KCTD8: variants seen among roughly 807,000 people sequenced by gnomAD.
KCTD8 encodes BTB/POZ domain-containing protein KCTD8.
A neutral mutation model predicts 31.5 loss-of-function variants in KCTD8; 27 were observed. That is an observed-to-expected ratio of 0.86 (90% CI 0.63 to 1.18). The LOEUF (loss-of-function observed/expected upper bound fraction) is 1.18, where lower values mean the gene tolerates loss of function less well. Among genes scored for constraint, KCTD8 ranks in the 50% most tolerant of loss-of-function variants. The pLI, the probability that KCTD8 is intolerant of heterozygous loss-of-function variation, is 0.00. For synonymous variants in KCTD8, 290 were observed against 280.0 expected (o/e 1.04, Z -0.36); for missense variants, 658 against 647.7 (o/e 1.02, Z -0.17).
intron 1 of KCTD8, among the ~76,000 whole-genome samples, chr4:44,421,583 G>A (rs1228239848): frequency 6.6e-6 from 1 of 152,062 alleles, no homozygotes; most frequent in East Asian, 1.9e-4. Context: ...TACTGAGTGT[G>A]ACATATAGTG....
intron 1 of KCTD8, among the ~76,000 whole-genome samples, chr4:44,235,576 T>TATATATATATATA (rs1560402134): frequency 5.1e-4 from 29 of 56,852 alleles, no homozygotes; most frequent in Non-Finnish European, 6.7e-4. Context: ...TATATATATA[T>TATATATATATATA]TTAGAGAGAG....
chr4:44,404,805 A>T (rs1169666210), intron 1 of KCTD8, among the ~76,000 whole-genome samples: 3 of 152,192 alleles, frequency 2.0e-5, no homozygotes, highest in African/African-American at 7.2e-5. Flanking sequence ...AAAATCGTAT[A>T]AAAGTAATGA....
At chr4:44,405,817 CAAAAAAAAAAAAA>C (rs903559298) in intron 1 of KCTD8, among the ~76,000 whole-genome samples, 1 of 32,230 alleles carries the variant, frequency 3.1e-5, no homozygotes, top group Non-Finnish European at 5.4e-5. Flanking sequence ...TCCTGTTTCT[CAAAAAAAAAAAAA>C]AAAAAAAAAA....
At chr4:44,311,357 T>C (rs542339704) in intron 1 of KCTD8, among the ~76,000 whole-genome samples, 1 of 152,236 alleles carries the variant, frequency 6.6e-6, no homozygotes, top group African/African-American at 2.4e-5. Flanking sequence ...GAGGAGATTC[T>C]TTCACCACAA....
At chr4:44,323,721 T>C (rs1189825342) in intron 1 of KCTD8, among the ~76,000 whole-genome samples, 2 of 151,816 alleles carry the variant, frequency 1.3e-5, no homozygotes, top group Non-Finnish European at 1.5e-5. Flanking sequence ...TTTCATGTAT[T>C]TGTTTAACAT....
chr4:44,435,099 T>C (rs1721610772), intron 1 of KCTD8, among the ~76,000 whole-genome samples: 1 of 152,008 alleles, frequency 6.6e-6, no homozygotes, highest in African/African-American at 2.4e-5. Flanking sequence ...GAATAGCTTC[T>C]AATCTACTTT....
intron 1 of KCTD8, among the ~76,000 whole-genome samples, chr4:44,218,124 CTTTTTTTTTTTT>C (rs570521203): frequency 2.0e-4 from 18 of 91,512 alleles, no homozygotes; most frequent in African/African-American, 8.7e-4. Flanking sequence ...TTAAAATGTC[CTTTTTTTTTTTT>C]TTTTTTTTTT....
chr4:44,413,651 G>A lies in KCTD8; in HGVS notation c.961+33912C>T, dbSNP rs556961515. ...TAAACATGAAAAATGCCATTATGTA[G>A]TCAACAGTATTACTATATCCAAAGA... On this transcript the variant is annotated intron_variant, in intron 1 of 1. Transcript: ENST00000360029. Among the ~76,000 whole-genome samples, 14 of 152,234 alleles carry A rather than the reference G, an allele frequency of 9.2e-5. 2 individuals are homozygous for A. In the South Asian group the frequency reaches 2.9e-3, roughly 32 times the overall value.
intron 1 of KCTD8, among the ~76,000 whole-genome samples, chr4:44,366,212 T>G (rs1719630238): frequency 6.6e-6 from 1 of 152,156 alleles, no homozygotes; most frequent in Admixed American, 6.6e-5. Flanking sequence ...CACGGAGGCT[T>G]ATATGTGGGG....
At chr4:44,369,584 T>A (rs1719730453) in intron 1 of KCTD8, among the ~76,000 whole-genome samples, 1 of 152,172 alleles carries the variant, frequency 6.6e-6, no homozygotes, top group Non-Finnish European at 1.5e-5. Flanking sequence ...GGTGGGTGGA[T>A]CACTTGAGCC....
chr4:44,404,223 T>C (rs557944660), intron 1 of KCTD8, among the ~76,000 whole-genome samples: 37 of 152,354 alleles, frequency 2.4e-4, no homozygotes, highest in African/African-American at 5.0e-4. Flanking sequence ...TTGTCATATA[T>C]GGCAGCCAGC....
intron 1 of KCTD8, among the ~76,000 whole-genome samples, chr4:44,216,180 C>G (rs986674711): frequency 3.3e-5 from 5 of 152,160 alleles, no homozygotes; most frequent in African/African-American, 1.2e-4. Context: ...GTATAAACAT[C>G]TTAGAATTTC....
At chr4:44,234,848 G>A (rs1260287768) in intron 1 of KCTD8, among the ~76,000 whole-genome samples, 3 of 152,086 alleles carry the variant, frequency 2.0e-5, no homozygotes, top group Non-Finnish European at 2.9e-5. Context: ...CTTTTAAACA[G>A]GAAAAGCAAT....
intron 1 of KCTD8, among the ~76,000 whole-genome samples, chr4:44,292,931 T>C (rs985549167): frequency 4.2e-4 from 64 of 152,244 alleles, no homozygotes; most frequent in Admixed American, 4.0e-3. Context: ...ATAGAGACTG[T>C]AGGACATATT....
chr4:44,318,883 A>T (rs1718214171), intron 1 of KCTD8, among the ~76,000 whole-genome samples: 1 of 152,214 alleles, frequency 6.6e-6, no homozygotes, highest in African/African-American at 2.4e-5. Flanking sequence ...GAGATTAAAA[A>T]AGAGTGACAG....
intron 1 of KCTD8, among the ~76,000 whole-genome samples, chr4:44,369,262 C>T (rs1719720874): frequency 6.6e-6 from 1 of 152,138 alleles, no homozygotes; most frequent in Admixed American, 6.5e-5. Context: ...CTAATTAGGT[C>T]ATGGTTAGGG....
chr4:44,219,520 T>C (rs967446708), intron 1 of KCTD8, among the ~76,000 whole-genome samples: 27 of 152,244 alleles, frequency 1.8e-4, no homozygotes, highest in African/African-American at 4.6e-4. Flanking sequence ...CATGTGAAGA[T>C]AGAAGCAGAG....
intron 1 of KCTD8, among the ~76,000 whole-genome samples, chr4:44,286,709 A>G (rs966256561): frequency 1.3e-5 from 2 of 152,154 alleles, no homozygotes; most frequent in South Asian, 2.1e-4. Flanking sequence ...AGTGTTTTAC[A>G]TAGGGAAGTG....
At chr4:44,336,226 T>A (rs1718741665) in intron 1 of KCTD8, among the ~76,000 whole-genome samples, 1 of 150,756 alleles carries the variant, frequency 6.6e-6, no homozygotes, top group South Asian at 2.1e-4. Flanking sequence ...CAAATATGAT[T>A]CATTAGACTA....
Sources: gnomAD v4.1 joint callset for allele counts (sites outside exome capture counted in the v4.1 genomes callset) on GRCh38, gnomAD v4.1.1 for gene constraint, MANE v1.5 for transcripts, NCBI Gene and HGNC (gene_info 2026-07-23, HGNC 2026-07-21) for gene names.